Variants in PNMA6F observed in about 807,000 individuals in gnomAD.
PNMA6F encodes PNMA family member 6F, also known as paraneoplastic antigen Ma6F.
For missense variants in PNMA6F, 57 were observed against 10.8 expected (o/e 5.25, Z -5.98); for synonymous variants, 14 against 3.4 (o/e 4.15, Z -3.45).
rs4828765 is a variant in PNMA6F at position 153,317,897 on chromosome X, A to G, written c.*1041T>C. On this transcript the variant is annotated 3_prime_UTR_variant, in exon 2 of 2. Coordinates refer to ENST00000436629, the MANE Select transcript of PNMA6F (RefSeq NM_001354980.2). ...CAACTCCCTCCTTCCTGAGGGCCCC[A>G]GGGTCCGCCTCTTGCCAGGATGGTG... The G allele has an allele frequency of 0.12, 11,526 of 93,363 alleles. 1,551 individuals carry two copies. Among genetic ancestry groups the G allele is most frequent in the Middle Eastern group, 0.17 (29 of 167 alleles). 7.7% of individuals were successfully genotyped at this position (93,363 alleles called of 1,213,427 possible).
chrX:153,320,529 A>G lies in PNMA6F; in HGVS notation c.146T>C (p.Ile49Thr). 6.7e-6 allele frequency: 2 copies of G among 297,528 alleles called. No individual in the cohort carries two copies. Among genetic ancestry groups the G allele is most frequent in the Non-Finnish European group, 1.2e-5 (2 of 170,488 alleles). The allele number at this position is 297,528 out of a possible 1,213,427, so 24.5% of individuals were successfully genotyped here. A position where few individuals can be genotyped will look rare whatever the true frequency, so the allele number is the denominator to read the frequency against. Residue 49 changes from isoleucine (I) to threonine (T), a missense_variant, in exon 2 of 2, where the codon ATC (isoleucine) becomes ACC (threonine). Transcript: ENST00000436629. The part of the protein sequence containing the change: ...LSPLGRYRVL[I>T]KVFRKELGAR... ...CCCGAGCTCCTTTCTGAAGACCTTG[A>G]TGAGCACTCGGTACCTGCCCAGGGG...
rs781936952 is a variant in PNMA6F, at chrX:153,319,538, G to A, written c.1137C>T (p.Ala379=). The A allele has an allele frequency of 1.0e-5, 3 of 297,237 alleles. No individual in the cohort carries two copies. The East Asian group carries it at 1.4e-4, about 14-fold the overall frequency. 24.5% of individuals were successfully genotyped at this position (297,237 alleles called of 1,213,427 possible). A position where few individuals can be genotyped will look rare whatever the true frequency, so the allele number is the denominator to read the frequency against. The part of the protein sequence containing the change: ...VEKGAVHPAM[A]NHLRLRQVLS... ...GCACCTGCCGCAGTCGCAGGTGGTT[G>A]GCCATGGCTGGGTGGACCGCCCCCT... Residue 379 remains alanine (A), a synonymous_variant, in exon 2 of 2, where the codon GCC becomes GCT. Transcript: ENST00000436629.
In PNMA6F at chrX:153,318,859, G is replaced by C; in HGVS notation, c.*79C>G. The C allele has an allele frequency of 3.4e-6, 1 of 298,334 alleles. No individual in the cohort carries two copies. Among genetic ancestry groups the C allele is most frequent in the Non-Finnish European group, 5.9e-6 (1 of 170,637 alleles). 24.6% of individuals were successfully genotyped at this position (298,334 alleles called of 1,213,427 possible). A position where few individuals can be genotyped will look rare whatever the true frequency, so the allele number is the denominator to read the frequency against. ...GCACAGCTCCCAACATGGGGTGAGGGACCGGCCCTGGCCTGGCCTCTGTCT... is the reference window on the plus strand; with the variant it reads ...GCACAGCTCCCAACATGGGGTGAGGCACCGGCCCTGGCCTGGCCTCTGTCT... On this transcript the variant is annotated 3_prime_UTR_variant, in exon 2 of 2. Transcript: ENST00000436629.
In PNMA6F at chrX:153,319,379, C is replaced by T. The variant is rs891479822; in HGVS notation, c.1296G>A (p.Arg432=). 2 of 297,062 alleles carry T rather than the reference C, an allele frequency of 6.7e-6. No homozygotes were observed. Among genetic ancestry groups the T allele is most frequent in the Non-Finnish European group, 1.2e-5 (2 of 170,177 alleles). 24.5% of individuals were successfully genotyped at this position (297,062 alleles called of 1,213,427 possible). Residue 432 remains arginine, a synonymous_variant, in exon 2 of 2, where the codon AGG becomes AGA. Transcript: ENST00000436629. ...CTGCCCAGGCCACACCCTGCTGGCT[C>T]CTTGCTAGGGAGGCTGCCCACGCCT... ...DMEAWAASLA[R]SQQGVAWAAA...
rs1216383407 is a variant in PNMA6F, at chrX:153,319,422, C to G, written c.1253G>C (p.Arg418Pro). 2 of 297,133 alleles carry G rather than the reference C, an allele frequency of 6.7e-6. No homozygotes were observed. Among genetic ancestry groups the G allele is most frequent in the Non-Finnish European group, 1.2e-5 (2 of 170,269 alleles). The allele number at this position is 297,133 out of a possible 1,213,427, so 24.5% of individuals were successfully genotyped here. The change falls in exon 2 of 2, where the codon CGG (arginine) becomes CCG (proline). Residue 418 changes from arginine (R) to proline (P), a missense_variant. By Grantham distance (103) the Arg-to-Pro change is moderately radical (BLOSUM62 -2). Transcript: ENST00000436629. ...RRPPDFLRLL[R>P]LIRDMEAWAA... ...CCACGCCTCCATGTCCCGGATGAGC[C>G]GCAGCAGCCTCAGGAAGTCAGGTGG...
In PNMA6F at chrX:153,319,820, G is replaced by A. The variant is rs1164264467; in HGVS notation, c.855C>T (p.His285=). 4.0e-5 allele frequency: 12 copies of A among 299,656 alleles called. No homozygotes were observed. The highest frequency in any genetic ancestry group is 1.9e-4 in the South Asian group (1 of 5,174). 24.7% of individuals were successfully genotyped at this position (299,656 alleles called of 1,213,427 possible). ...GCCTCCTTCTCTCCCTTTCCGACGC[G>A]TGGCACCACAGCTGCAGCATATCCT... ...DAKDMLQLWC[H]ASERERRRRL... The change falls in exon 2 of 2, where the codon CAC becomes CAT. Residue 285 remains histidine, a synonymous_variant. Coordinates refer to ENST00000436629, the MANE Select transcript of PNMA6F (RefSeq NM_001354980.2).
In PNMA6F at chrX:153,318,245, C is replaced by A; in HGVS notation, c.*693G>T. 1 of 123,252 alleles carries A rather than the reference C, an allele frequency of 8.1e-6. No homozygotes were observed. The allele number at this position is 123,252 out of a possible 1,213,427, so 10.2% of individuals were successfully genotyped here. A position where few individuals can be genotyped will look rare whatever the true frequency, so the allele number is the denominator to read the frequency against. ...ATGAGCGTCCATCGTGCCCTGGCGC[C>A]TCCTTCCACCATCTCCCAGGACTGT... On this transcript the variant is annotated 3_prime_UTR_variant, in exon 2 of 2. Coordinates refer to ENST00000436629, the MANE Select transcript of PNMA6F (RefSeq NM_001354980.2).
Position 153,318,284 on chromosome X carries a change from G to A in PNMA6F, c.*654C>T, listed in dbSNP as rs185352770. The A allele has an allele frequency of 3.3e-5, 4 of 121,734 alleles. No homozygotes were observed. Among genetic ancestry groups the A allele is most frequent in the East Asian group, 2.9e-4 (1 of 3,484 alleles). The allele number at this position is 121,734 out of a possible 1,213,427, so 10.0% of individuals were successfully genotyped here. A position where few individuals can be genotyped will look rare whatever the true frequency, so the allele number is the denominator to read the frequency against. On this transcript the variant is annotated 3_prime_UTR_variant, in exon 2 of 2. Transcript: ENST00000436629. ...TCCCAGGACTGTGCTGGGGGCCTCC[G>A]GGGAGGAGCTGCTCAGAGAAGAACA...
At chrX:153,321,245 T>C (rs1386007992) in intron 1 of PNMA6F, 8 of 91,473 alleles carry the variant, frequency 8.7e-5, no homozygotes, top group Non-Finnish European at 1.3e-4. Flanking sequence ...GATCTTCCTC[T>C]TTTGATCTTC....
chrX:153,319,882 C>T lies in PNMA6F; in HGVS notation c.793G>A (p.Val265Met), dbSNP rs1045422795. 29 of 301,965 alleles carry T rather than the reference C, an allele frequency of 9.6e-5. No homozygotes were observed. Among genetic ancestry groups the T allele is most frequent in the Non-Finnish European group, 1.4e-4 (25 of 173,869 alleles). 24.9% of individuals were successfully genotyped at this position (301,965 alleles called of 1,213,427 possible). Residue 265 changes from valine to methionine, a missense_variant, in exon 2 of 2, where the codon GTG becomes ATG. By Grantham distance (21) the Val-to-Met change is conservative. Coordinates refer to ENST00000436629, the MANE Select transcript of PNMA6F (RefSeq NM_001354980.2). The stretch of plus-strand genomic sequence containing the variant: ...AACCAGCTCTCAAAGGACTCTTCCA[C>T]GCAGCCTGGCTGCTCCCTCCCGGAA... Reference protein sequence around the residue: ...PFSGREQPGCVEESFESWLED... With the variant: ...PFSGREQPGCMEESFESWLED...
Position 153,319,032 on chromosome X carries a change from T to C in PNMA6F, c.1643A>G (p.Gln548Arg). ...CTCTAAGATGGGCTTGAGCCCCTCC[T>C]GGGGAGGCTCCTCAGCCTCCTGGCC... ...VGGQEAEEPP[Q>R]EGLKPILEES... The change falls in exon 2 of 2, where the codon CAG (glutamine) becomes CGG (arginine). Residue 548 changes from glutamine to arginine, a missense_variant. By Grantham distance (43) the Gln-to-Arg change is conservative. Transcript: ENST00000436629. The C allele has an allele frequency of 3.2e-6, 1 of 312,570 alleles. No individual in the cohort carries two copies. Among genetic ancestry groups the C allele is most frequent in the Non-Finnish European group, 5.5e-6 (1 of 181,438 alleles). The allele number at this position is 312,570 out of a possible 1,213,427, so 25.8% of individuals were successfully genotyped here. A position where few individuals can be genotyped will look rare whatever the true frequency, so the allele number is the denominator to read the frequency against.
intron 1 of PNMA6F, 149 bp from the exon 2 acceptor site, chrX:153,320,906 C>T (rs782267978): frequency 3.8e-6 from 1 of 261,781 alleles, no homozygotes; most frequent in Admixed American, 6.7e-5. Flanking sequence ...AAGCCCTCCC[C>T]CAGTTGGTGA....
rs1425946580 is a variant in PNMA6F, at chrX:153,318,802, T to A, written c.*136A>T. ...CTGAGTCACTGGGAAGGGCTGGTGG[T>A]GGTGGCCAGGACCCATTAGGGGAGG... On this transcript the variant is annotated 3_prime_UTR_variant, in exon 2 of 2. Transcript: ENST00000436629. 6.8e-6 allele frequency: 2 copies of A among 295,624 alleles called. No individual in the cohort carries two copies. The highest frequency in any genetic ancestry group is 1.2e-5 in the Non-Finnish European group (2 of 169,720). 24.4% of individuals were successfully genotyped at this position (295,624 alleles called of 1,213,427 possible). A position where few individuals can be genotyped will look rare whatever the true frequency, so the allele number is the denominator to read the frequency against.
At position 153,319,708 on chromosome X, in the gene PNMA6F, G is replaced by C. The variant is rs1187576492; in HGVS notation, c.967C>G (p.Leu323Val). 3 of 298,674 alleles carry C rather than the reference G, an allele frequency of 1.0e-5. No homozygotes were observed. In the Admixed American group the frequency reaches 1.8e-4, roughly 18 times the overall value. 24.6% of individuals were successfully genotyped at this position (298,674 alleles called of 1,213,427 possible). A position where few individuals can be genotyped will look rare whatever the true frequency, so the allele number is the denominator to read the frequency against. Residue 323 changes from leucine (L) to valine (V), a missense_variant, in exon 2 of 2, where the codon CTG becomes GTG. By Grantham distance (32) the Leu-to-Val change is conservative (BLOSUM62 1). Coordinates refer to ENST00000436629, the MANE Select transcript of PNMA6F (RefSeq NM_001354980.2). ...CTAAACACCTGCCCCAGCGCCGTCA[G>C]GCAGTCCTGCGCAGAGAAGTCTGGA... is the stretch of plus-strand genomic sequence containing the variant. Reference protein sequence around the residue: ...EDPDFSAQDCLTALGQVFRSR... With the variant: ...EDPDFSAQDCVTALGQVFRSR...
Position 153,318,954 on chromosome X carries a change from G to A in PNMA6F, c.1721C>T (p.Ser574Phe), listed in dbSNP as rs939920395. The A allele has an allele frequency of 5.0e-5, 15 of 299,512 alleles. No homozygotes were observed. The highest frequency in any genetic ancestry group is 1.2e-4 in the Admixed American group (2 of 16,614). The allele number at this position is 299,512 out of a possible 1,213,427, so 24.7% of individuals were successfully genotyped here. ...CCTCAGAGCCTATTTGCCCGGGGGGGACTTGGGCTTGCCCGCCTCCCCAGC... is the reference window on the plus strand; with the variant it reads ...CCTCAGAGCCTATTTGCCCGGGGGGAACTTGGGCTTGCCCGCCTCCCCAGC... The part of the protein sequence containing the change: ...DGAGEAGKPK[S>F]PPGK The change falls in exon 2 of 2, where the codon TCC (serine) becomes TTC (phenylalanine). Residue 574 changes from serine to phenylalanine, a missense_variant. Transcript: ENST00000436629.
chrX:153,319,571 G>A lies in PNMA6F; in HGVS notation c.1104C>T (p.Ala368=), dbSNP rs935808752. 11 of 297,080 alleles carry A rather than the reference G, an allele frequency of 3.7e-5. No individual in the cohort carries two copies. Among genetic ancestry groups the A allele is most frequent in the African/African-American group, 1.6e-4 (6 of 36,861 alleles). 24.5% of individuals were successfully genotyped at this position (297,080 alleles called of 1,213,427 possible). A position where few individuals can be genotyped will look rare whatever the true frequency, so the allele number is the denominator to read the frequency against. Residue 368 remains alanine (A), a synonymous_variant, in exon 2 of 2, where the codon GCC becomes GCT. Transcript: ENST00000436629. Reference sequence around the variant, plus strand: ...CTGGGTGGACCGCCCCCTTCTCCACGGCCTTCTGCAGCAGGCCTTCCAGGC... The same window carrying A: ...CTGGGTGGACCGCCCCCTTCTCCACAGCCTTCTGCAGCAGGCCTTCCAGGC... ...VVRLEGLLQK[A]VEKGAVHPAM...
rs782509985 is a variant in PNMA6F at position 153,319,929 on chromosome X, G to A, written c.746C>T (p.Ala249Val). Residue 249 changes from alanine (A) to valine (V), a missense_variant, in exon 2 of 2, where the codon GCC becomes GTC. By Grantham distance (64) the Ala-to-Val change is moderately conservative (BLOSUM62 0). Coordinates refer to ENST00000436629, the MANE Select transcript of PNMA6F (RefSeq NM_001354980.2). ...GGAAAAGGGTCTCAGTTCCCGGTAGGCCATAGTTTTCACCAGAGGCCGCAG... is the reference window on the plus strand; with the variant it reads ...GGAAAAGGGTCTCAGTTCCCGGTAGACCATAGTTTTCACCAGAGGCCGCAG... ...QTLRPLVKTMAYRELRPFSGR... is the reference protein window; with the variant it reads ...QTLRPLVKTMVYRELRPFSGR... The A allele has an allele frequency of 1.6e-4, 47 of 302,517 alleles. No individual in the cohort carries two copies. The highest frequency in any genetic ancestry group is 1.1e-3 in the African/African-American group (41 of 36,669). The allele number at this position is 302,517 out of a possible 1,213,427, so 24.9% of individuals were successfully genotyped here. A position where few individuals can be genotyped will look rare whatever the true frequency, so the allele number is the denominator to read the frequency against.
chrX:153,320,212 C>T lies in PNMA6F; in HGVS notation c.463G>A (p.Val155Ile), dbSNP rs1449034135. ...EAGGIGEAGG[V>I]GEAGAAGEAG... The stretch of plus-strand genomic sequence containing the variant: ...TCACCTGCTGCTCCTGCCTCACCTA[C>T]ACCTCCTGCCTCACCTATACCTCCT... Residue 155 changes from valine to isoleucine, a missense_variant, in exon 2 of 2, where the codon GTA becomes ATA. Coordinates refer to ENST00000436629, the MANE Select transcript of PNMA6F (RefSeq NM_001354980.2). 2.9e-6 allele frequency: 1 copy of T among 343,506 alleles called. No individual in the cohort carries two copies. Among genetic ancestry groups the T allele is most frequent in the Non-Finnish European group, 5.0e-6 (1 of 200,700 alleles). The allele number at this position is 343,506 out of a possible 1,213,427, so 28.3% of individuals were successfully genotyped here.
Position 153,320,238 on chromosome X carries a change from G to T in PNMA6F, c.437C>A (p.Ala146Glu). 6.1e-6 allele frequency: 2 copies of T among 327,823 alleles called. No homozygotes were observed. The highest frequency in any genetic ancestry group is 9.4e-5 in the East Asian group (2 of 21,376). The allele number at this position is 327,823 out of a possible 1,213,427, so 27.0% of individuals were successfully genotyped here. A position where few individuals can be genotyped will look rare whatever the true frequency, so the allele number is the denominator to read the frequency against. The change falls in exon 2 of 2, where the codon GCA becomes GAA. Residue 146 changes from alanine (A) to glutamate (E), a missense_variant. By Grantham distance (107) the Ala-to-Glu change is moderately radical. Coordinates refer to ENST00000436629, the MANE Select transcript of PNMA6F (RefSeq NM_001354980.2). Reference protein sequence around the residue: ...NEERSAGEDEAGGIGEAGGVG... With the variant: ...NEERSAGEDEEGGIGEAGGVG... Reference sequence around the variant, plus strand: ...ACCTCCTGCCTCACCTATACCTCCTGCCTCATCTTCACCTGCAGATCTTTC... The same window carrying T: ...ACCTCCTGCCTCACCTATACCTCCTTCCTCATCTTCACCTGCAGATCTTTC...
Sources: gnomAD v4.1 joint callset for allele counts on GRCh38, gnomAD v4.1.1 for gene constraint, MANE v1.5 for transcripts, NCBI Gene and HGNC (gene_info 2026-07-23, HGNC 2026-07-21) for gene names.